Variants in SCHIP1 observed in about 807,000 individuals in gnomAD.
The protein encoded by SCHIP1 is schwannomin interacting protein 1.
A neutral mutation model predicts 29.7 loss-of-function variants in SCHIP1; 8 were observed. The ratio of observed to expected loss-of-function variants is 0.27; its 90% CI spans 0.16 to 0.49. The LOEUF is 0.49. Ranked by LOEUF, SCHIP1 falls within the 20% of genes least tolerant of loss-of-function variation. The pLI, the probability that SCHIP1 is intolerant of heterozygous loss-of-function variation, is 0.99. For synonymous variants in SCHIP1, 76 were observed against 94.9 expected (o/e 0.80, Z 1.16); for missense variants, 193 against 294.6 (o/e 0.66, Z 2.52).
the SCHIP1 span, among the ~76,000 whole-genome samples, chr3:159,517,438 A>C: frequency 6.6e-6 from 1 of 152,112 alleles, no homozygotes; most frequent in Non-Finnish European, 1.5e-5. Flanking sequence ...AAATAAGGTG[A>C]TATTTGGATC....
the SCHIP1 span, among the ~76,000 whole-genome samples, chr3:159,555,287 C>T: frequency 6.6e-6 from 1 of 152,052 alleles, no homozygotes; most frequent in African/African-American, 2.4e-5. Context: ...CTTGGAGAGC[C>T]TGAAACTCCC....
At chr3:159,659,657 C>T in the SCHIP1 span, among the ~76,000 whole-genome samples, 1 of 152,002 alleles carries the variant, frequency 6.6e-6, no homozygotes, top group Non-Finnish European at 1.5e-5. Flanking sequence ...AGAAGACTGA[C>T]AATAGTGAAC....
the SCHIP1 span, among the ~76,000 whole-genome samples, chr3:159,624,975 T>C: frequency 6.6e-6 from 1 of 152,124 alleles, no homozygotes. Context: ...GCATTATATA[T>C]TGAATTTTGG....
At chr3:159,853,511 G>A in intron 1 of SCHIP1, 1 of 664,596 alleles carries the variant, frequency 1.5e-6, no homozygotes, top group Admixed American at 2.2e-5. Context: ...TTTCTAACTG[G>A]AGAAAGATCA....
At chr3:159,278,887 A>T in the SCHIP1 span, among the ~76,000 whole-genome samples, 22 of 152,202 alleles carry the variant, frequency 1.4e-4, no homozygotes, top group African/African-American at 5.3e-4. Flanking sequence ...ACCCTTCTTC[A>T]TATAGTCATT....
the SCHIP1 span, among the ~76,000 whole-genome samples, chr3:159,300,113 CT>C: frequency 0.09 from 4,041 of 45,046 alleles, 48 homozygotes; most frequent in African/African-American, 0.11. Context: ...GGGAAAGCTG[CT>C]TTTTTTTTTT....
the SCHIP1 span, among the ~76,000 whole-genome samples, chr3:159,601,550 T>C: frequency 1.3e-5 from 2 of 152,204 alleles, no homozygotes; most frequent in East Asian, 3.9e-4. Context: ...GGTCATATTC[T>C]CTATATGAGA....
chr3:159,789,556 G>A, the SCHIP1 span, among the ~76,000 whole-genome samples: 5 of 152,078 alleles, frequency 3.3e-5, no homozygotes, highest in Non-Finnish European at 5.9e-5. Flanking sequence ...GAATCCCCTG[G>A]AACACTTGTT....
At chr3:159,756,516 C>T in the SCHIP1 span, among the ~76,000 whole-genome samples, 1,061 of 152,256 alleles carry the variant, frequency 7.0e-3, 14 homozygotes, top group African/African-American at 0.024. Context: ...AGGTCTATGA[C>T]GGGAGGGGCT....
the SCHIP1 span, among the ~76,000 whole-genome samples, chr3:159,789,811 A>G: frequency 6.6e-6 from 1 of 152,308 alleles, no homozygotes; most frequent in Admixed American, 6.5e-5. Context: ...ATGATTCCAA[A>G]CCTGATGTGT....
the SCHIP1 span, among the ~76,000 whole-genome samples, chr3:159,449,329 G>C: frequency 2.6e-5 from 4 of 152,038 alleles, no homozygotes; most frequent in African/African-American, 7.2e-5. Flanking sequence ...AGGAGACATG[G>C]CAATAAATGC....
the SCHIP1 span, among the ~76,000 whole-genome samples, chr3:159,746,153 A>G: frequency 6.6e-6 from 1 of 152,234 alleles, no homozygotes; most frequent in Non-Finnish European, 1.5e-5. Flanking sequence ...GAAAAGCAAA[A>G]AATATAGAAT....
At chr3:159,690,132 C>T in the SCHIP1 span, among the ~76,000 whole-genome samples, 1 of 152,222 alleles carries the variant, frequency 6.6e-6, no homozygotes, top group South Asian at 2.1e-4. Flanking sequence ...GGGAAGAGAC[C>T]CTCTTTTTCT....
chr3:159,799,445 A>G, the SCHIP1 span, among the ~76,000 whole-genome samples: 11 of 152,328 alleles, frequency 7.2e-5, no homozygotes, highest in East Asian at 1.9e-4. Flanking sequence ...CACACAAAAT[A>G]TATGTTTATC....
At chr3:159,436,889 G>C in the SCHIP1 span, among the ~76,000 whole-genome samples, 1 of 152,082 alleles carries the variant, frequency 6.6e-6, no homozygotes, top group East Asian at 1.9e-4. Flanking sequence ...CAGTCTCTAG[G>C]GTCCTTTATT....
At chr3:159,654,556 G>A in the SCHIP1 span, among the ~76,000 whole-genome samples, 23,477 of 151,940 alleles carry the variant, frequency 0.15, 5,059 homozygotes, top group African/African-American at 0.48. Flanking sequence ...CCCTGAGTGT[G>A]TTGGCCTGCA....
chr3:159,564,644 G>A, the SCHIP1 span, among the ~76,000 whole-genome samples: 2 of 152,196 alleles, frequency 1.3e-5, no homozygotes, highest in African/African-American at 4.8e-5. Flanking sequence ...CCAAAGTGCT[G>A]GGATTACAGT....
exon 6 of SCHIP1, chr3:159,892,129 A>G: frequency 6.2e-7 from 1 of 1,614,090 alleles, no homozygotes; most frequent in Non-Finnish European, 8.5e-7. Context: ...GCTGCTTCTC[A>G]TCCGAGATGA....
the SCHIP1 span, among the ~76,000 whole-genome samples, chr3:159,641,224 A>G: frequency 6.6e-6 from 1 of 152,290 alleles, no homozygotes; most frequent in South Asian, 2.1e-4. Flanking sequence ...TCATCCCTCC[A>G]ACATGGAAAT....
Sources: gnomAD v4.1 joint callset for allele counts (sites outside exome capture counted in the v4.1 genomes callset) on GRCh38, gnomAD v4.1.1 for gene constraint, MANE v1.5 for transcripts, NCBI Gene and HGNC (gene_info 2026-07-23, HGNC 2026-07-21) for gene names.